IFT57: variants seen among roughly 807,000 people sequenced by gnomAD.
IFT57 encodes the protein intraflagellar transport protein 57 homolog.
IFT57 carries 59 observed loss-of-function variants against 56.8 expected under a neutral mutation model. The observed-to-expected ratio is 1.04, with a 90% CI of 0.84 to 1.29. The LOEUF (loss-of-function observed/expected upper bound fraction) is 1.29, where lower values mean the gene tolerates loss of function less well. Among genes scored for constraint, IFT57 ranks in the 50% most tolerant of loss-of-function variants. The pLI is 0.00. For missense variants in IFT57, 470 were observed against 522.1 expected, an observed-to-expected ratio of 0.90 and a Z score of 0.97; for synonymous variants, 209 against 186.1, an observed-to-expected ratio of 1.12 and a Z score of -1.00.
intron 6 of IFT57, among the ~76,000 whole-genome samples, chr3:108,172,643 C>T (rs2080100803): frequency 6.6e-6 from 1 of 151,748 alleles, no homozygotes. Context: ...CATCAAGGGA[C>T]ATTGTAGAGG....
chr3:108,201,687 CAT>C (rs1334040700), intron 5 of IFT57, among the ~76,000 whole-genome samples: 18 of 152,210 alleles, frequency 1.2e-4, no homozygotes, highest in African/African-American at 4.3e-4. Flanking sequence ...GCAAGCTGTA[CAT>C]AGAACAGTTT....
At position 108,161,699 on chromosome 3, in the gene IFT57, G is replaced by A. The variant is rs2080032926; in HGVS notation, c.*778C>T. On this transcript the variant is annotated 3_prime_UTR_variant, in exon 11 of 11. Transcript: ENST00000264538. ...GCATAAGTAAAGATCATCAGTACTA[G>A]AGGCTGATCTTCATGCGACCTGTCA... is the stretch of plus-strand genomic sequence containing the variant. 1 of 152,094 alleles carries A rather than the reference G, an allele frequency of 6.6e-6. No individual in the cohort carries two copies. The highest frequency in any genetic ancestry group is 1.9e-4 in the East Asian group (1 of 5,182). The allele number at this position is 152,094 out of a possible 1,614,324, so 9.4% of individuals were successfully genotyped here.
intron 5 of IFT57, among the ~76,000 whole-genome samples, chr3:108,195,394 T>C (rs9868740): frequency 0.096 from 14,658 of 152,120 alleles, 770 homozygotes; most frequent in Middle Eastern, 0.12. Context: ...ATTAATACAG[T>C]CACTATGGAG....
At chr3:108,181,864 T>C (rs1345916885) in intron 6 of IFT57, among the ~76,000 whole-genome samples, 1 of 152,114 alleles carries the variant, frequency 6.6e-6, no homozygotes, top group African/African-American at 2.4e-5. Context: ...ATTTTTTTTA[T>C]TTGGCACCTT....
chr3:108,201,106 T>C (rs1006093922), intron 5 of IFT57, among the ~76,000 whole-genome samples: 2 of 152,176 alleles, frequency 1.3e-5, no homozygotes, highest in African/African-American at 2.4e-5. Context: ...AGCAGAGTCA[T>C]AGAAGTTAAT....
chr3:108,188,697 T>C (rs2080198056), intron 6 of IFT57, among the ~76,000 whole-genome samples: 1 of 152,184 alleles, frequency 6.6e-6, no homozygotes, highest in Non-Finnish European at 1.5e-5. Flanking sequence ...AACTCATTAA[T>C]TTTTCCCCAA....
Position 108,167,789 on chromosome 3 carries a change from A to T in IFT57, c.849+4T>A, listed in dbSNP as rs759810310. ...CATTGATTCACGTAAAGTAATTCAT[A>T]TACCTTGGTCTCCTTTAGAGCAGAT... On this transcript the variant is annotated splice_donor_region_variant and intron_variant, in intron 7 of 10. Coordinates refer to ENST00000264538, the MANE Select transcript of IFT57 (RefSeq NM_018010.4). The T allele has an allele frequency of 1.9e-6, 3 of 1,548,474 alleles. No individual in the cohort carries two copies. The highest frequency in any genetic ancestry group is 1.7e-6 in the Non-Finnish European group (2 of 1,144,010).
Position 108,218,616 on chromosome 3 carries a change from G to A in IFT57, c.413C>T (p.Ser138Leu). ...TADFPPSKLK[S>L]GYGEHVCYVL... ...ATAGCATACATGTTCTCCATAACCT[G>A]ACTTTAATTTTGAAGGAGGAAAATC... The change falls in exon 3 of 11, where the codon TCA (serine) becomes TTA (leucine). Residue 138 changes from serine to leucine, a missense_variant. Ser to Leu is a moderately radical substitution (Grantham distance 145, BLOSUM62 -2). Coordinates refer to ENST00000264538, the MANE Select transcript of IFT57 (RefSeq NM_018010.4). 2.6e-6 allele frequency: 4 copies of A among 1,540,362 alleles called. No individual in the cohort carries two copies. Among genetic ancestry groups the A allele is most frequent in the Non-Finnish European group, 3.5e-6 (4 of 1,144,874 alleles).
intron 1 of IFT57, among the ~76,000 whole-genome samples, chr3:108,220,526 T>C (rs1440183717): frequency 2.0e-5 from 3 of 152,210 alleles, no homozygotes; most frequent in African/African-American, 7.2e-5. Context: ...AAAAAGGCCA[T>C]GAAGTCCTTC....
chr3:108,164,144 A>G (rs1438425497), intron 9 of IFT57, among the ~76,000 whole-genome samples: 2 of 152,088 alleles, frequency 1.3e-5, no homozygotes, highest in Non-Finnish European at 2.9e-5. Flanking sequence ...CTTTCTTAAT[A>G]TTATAGTTCT....
chr3:108,221,286 C>T (rs989339202), intron 1 of IFT57, among the ~76,000 whole-genome samples: 2 of 152,038 alleles, frequency 1.3e-5, no homozygotes, highest in African/African-American at 4.8e-5. Flanking sequence ...ATAAAATATA[C>T]AAATGTAAGT....
At chr3:108,215,993 T>G (rs2108328018) in intron 3 of IFT57, among the ~76,000 whole-genome samples, 1 of 152,274 alleles carries the variant, frequency 6.6e-6, no homozygotes, top group East Asian at 1.9e-4. Context: ...TCAAAATGGA[T>G]TAAAGACTTA....
intron 5 of IFT57, among the ~76,000 whole-genome samples, chr3:108,197,258 C>T (rs555819600): frequency 1.3e-5 from 2 of 152,236 alleles, no homozygotes; most frequent in African/African-American, 2.4e-5. Context: ...AGAATTCAGG[C>T]ACTGTGCTTG....
At chr3:108,194,110 T>C (rs764354590) in intron 5 of IFT57, among the ~76,000 whole-genome samples, 1 of 152,214 alleles carries the variant, frequency 6.6e-6, no homozygotes, top group Non-Finnish European at 1.5e-5. Flanking sequence ...GAGTGATTCT[T>C]AATAGAATGC....
chr3:108,182,649 A>G (rs1198218619), intron 6 of IFT57, among the ~76,000 whole-genome samples: 2 of 152,154 alleles, frequency 1.3e-5, no homozygotes, highest in Non-Finnish European at 2.9e-5. Flanking sequence ...TTCTTTTTAC[A>G]ACTGCACTCT....
At chr3:108,186,178 T>C (rs2080181026) in intron 6 of IFT57, among the ~76,000 whole-genome samples, 1 of 152,272 alleles carries the variant, frequency 6.6e-6, no homozygotes, top group African/African-American at 2.4e-5. Context: ...GAAGATACCA[T>C]TGTTGTTATA....
At chr3:108,186,602 C>A (rs550621979) in intron 6 of IFT57, among the ~76,000 whole-genome samples, 2 of 151,932 alleles carry the variant, frequency 1.3e-5, no homozygotes, top group South Asian at 2.1e-4. Flanking sequence ...AACCAAATTG[C>A]GGAAGAATTG....
chr3:108,183,025 C>T (rs183252465), intron 6 of IFT57, among the ~76,000 whole-genome samples: 1 of 152,098 alleles, frequency 6.6e-6, no homozygotes, highest in Non-Finnish European at 1.5e-5. Flanking sequence ...ATCACTATAA[C>T]ACACAATCAT....
intron 5 of IFT57, among the ~76,000 whole-genome samples, chr3:108,198,035 C>T (rs936386877): frequency 1.3e-5 from 2 of 152,242 alleles, no homozygotes; most frequent in African/African-American, 2.4e-5. Context: ...GTACTAGATG[C>T]TTTTACATAT....
Sources: gnomAD v4.1 joint callset for allele counts (sites outside exome capture counted in the v4.1 genomes callset) on GRCh38, gnomAD v4.1.1 for gene constraint, MANE v1.5 for transcripts, NCBI Gene and HGNC (gene_info 2026-07-23, HGNC 2026-07-21) for gene names.